CDIN1: variants seen among roughly 807,000 people sequenced by gnomAD.
CDIN1 encodes CDAN1-interacting nuclease 1.
In CDIN1, 33 loss-of-function variants were observed where a neutral mutation model predicts 45.3. The ratio of observed to expected loss-of-function variants is 0.73; its 90% CI spans 0.55 to 0.97. CDIN1 has a LOEUF of 0.97. Among genes scored for constraint, CDIN1 ranks in the 50% least tolerant of loss-of-function variants. CDIN1 has a pLI of 0.00. For synonymous variants in CDIN1, 118 were observed against 124.4 expected (o/e 0.95, Z 0.34); for missense variants, 303 against 339.4 (o/e 0.89, Z 0.84).
At chr15:36,643,770 T>TG (rs2040203567) in intron 1 of CDIN1, among the ~76,000 whole-genome samples, 1 of 152,200 alleles carries the variant, frequency 6.6e-6, no homozygotes, top group Admixed American at 6.5e-5. Context: ...CCAGTATCGG[T>TG]GGGAATGTTC....
chr15:36,794,144 C>T (rs1261866624), intron 10 of CDIN1, among the ~76,000 whole-genome samples: 1 of 149,932 alleles, frequency 6.7e-6, no homozygotes, highest in South Asian at 2.1e-4. Flanking sequence ...CTGCAAGCTC[C>T]GCCTCCCGGG....
rs775819561 is a variant in CDIN1 at position 36,654,099 on chromosome 15, T to G, written c.214T>G (p.Tyr72Asp). The change falls in exon 4 of 11, where the codon TAC (tyrosine) becomes GAC (aspartate). Residue 72 changes from tyrosine (Y) to aspartate (D), a missense_variant and splice_region_variant. Physicochemically the swap from Tyr to Asp is radical, Grantham distance 160. Transcript: ENST00000566621. ...ACCACTTGGCTTTGTCTTGTCTAGGTACCTGAATGGAGTGGTGAAAAATGG... is the reference window on the plus strand; with the variant it reads ...ACCACTTGGCTTTGTCTTGTCTAGGGACCTGAATGGAGTGGTGAAAAATGG... ...SEAIESYYQR[Y>D]LNGVVKNGAA... 1 of 1,576,584 alleles carries G rather than the reference T, an allele frequency of 6.3e-7. No homozygotes were observed. The highest frequency in any genetic ancestry group is 8.6e-7 in the Non-Finnish European group (1 of 1,158,818).
chr15:36,675,061 G>A (rs182771240), intron 5 of CDIN1, among the ~76,000 whole-genome samples: 65 of 152,170 alleles, frequency 4.3e-4, no homozygotes, highest in African/African-American at 1.5e-3. Flanking sequence ...TGAGGCCACT[G>A]AAATACTCCA....
At chr15:36,583,731 C>G (rs1200709558) in intron 1 of CDIN1, among the ~76,000 whole-genome samples, 6 of 152,098 alleles carry the variant, frequency 3.9e-5, no homozygotes. Context: ...AAATAAAGAC[C>G]CAAGGCTGGG....
intron 3 of CDIN1, among the ~76,000 whole-genome samples, chr15:36,651,584 G>T (rs1406195245): frequency 6.6e-6 from 1 of 152,064 alleles, no homozygotes. Flanking sequence ...GGTGCTACAG[G>T]TATAGTTGGG....
At chr15:36,596,101 A>G (rs1455258373) in intron 1 of CDIN1, among the ~76,000 whole-genome samples, 3 of 152,182 alleles carry the variant, frequency 2.0e-5, no homozygotes, top group Non-Finnish European at 4.4e-5. Flanking sequence ...AGGAGAGTTG[A>G]TTGAAAAGGA....
chr15:36,589,791 A>G (rs1000543509), intron 1 of CDIN1, among the ~76,000 whole-genome samples: 1 of 152,194 alleles, frequency 6.6e-6, no homozygotes, highest in Non-Finnish European at 1.5e-5. Flanking sequence ...GGCGTGAGCC[A>G]CCGCTCCCGG....
At position 36,807,448 on chromosome 15, in the gene CDIN1, G is replaced by C. The variant is rs2055267363; in HGVS notation, c.717-876G>C. Among the ~76,000 whole-genome samples the C allele has an allele frequency of 2.0e-5, 3 of 152,140 alleles. No individual in the cohort carries two copies. In the South Asian group the frequency reaches 6.2e-4, roughly 32 times the overall value. On this transcript the variant is annotated intron_variant, in intron 10 of 10. Transcript: ENST00000566621. ...CCCTCGGTAGGAAAAACGTGAAACTGATGTGCAAAACATCTCTCTGTGTGC... is the reference window on the plus strand; with the variant it reads ...CCCTCGGTAGGAAAAACGTGAAACTCATGTGCAAAACATCTCTCTGTGTGC...
At chr15:36,651,785 C>G (rs1296181269) in intron 3 of CDIN1, among the ~76,000 whole-genome samples, 1 of 152,122 alleles carries the variant, frequency 6.6e-6, no homozygotes, top group African/African-American at 2.4e-5. Context: ...AACTGGGAAG[C>G]TTTAACAACC....
chr15:36,732,480 C>T (rs528748738), intron 10 of CDIN1, among the ~76,000 whole-genome samples: 1 of 152,012 alleles, frequency 6.6e-6, no homozygotes, highest in Non-Finnish European at 1.5e-5. Flanking sequence ...TTTTCTTAGG[C>T]ATGACAATGC....
In CDIN1 at chr15:36,712,260, C is replaced by CTTTTTTTT. The variant is rs780494427; in HGVS notation, c.716+2315_716+2322dup. Among the ~76,000 whole-genome samples the CTTTTTTTT allele has an allele frequency of 7.9e-4, 61 of 77,398 alleles. 2 individuals carry two copies. The highest frequency in any genetic ancestry group is 1.3e-3 in the East Asian group (3 of 2,258). 50.8% of individuals were successfully genotyped at this position (77,398 alleles called of 152,430 possible). A position where few individuals can be genotyped will look rare whatever the true frequency, so the allele number is the denominator to read the frequency against. ...TTCAATTACTATTTATAGACTAATG[C>CTTTTTTTT]TTTTTTTTTTTTTTTTTTTTTTTGA... On this transcript the variant is annotated intron_variant, in intron 10 of 10. Coordinates refer to ENST00000566621, the MANE Select transcript of CDIN1 (RefSeq NM_001321759.2).
intron 5 of CDIN1, among the ~76,000 whole-genome samples, chr15:36,686,390 T>A (rs1265133653): frequency 8.2e-6 from 1 of 122,680 alleles, no homozygotes; most frequent in Admixed American, 1.0e-4. Flanking sequence ...AAGGGGAACA[T>A]CACACTCTGG....
In CDIN1 at chr15:36,738,349, C is replaced by A. The variant is rs529373192; in HGVS notation, c.716+28388C>A. Among the ~76,000 whole-genome samples, 15 of 152,228 alleles carry A rather than the reference C, an allele frequency of 9.9e-5. 1 individual carries two copies. In the South Asian group the frequency reaches 3.1e-3, roughly 32 times the overall value. On this transcript the variant is annotated intron_variant, in intron 10 of 10. Transcript: ENST00000566621. ...AATGTTTTTCCCATCTCAGTTTTGACAATTCTGTCTTTCCATTTGCTTAGA... is the reference window on the plus strand; with the variant it reads ...AATGTTTTTCCCATCTCAGTTTTGAAAATTCTGTCTTTCCATTTGCTTAGA...
intron 10 of CDIN1, among the ~76,000 whole-genome samples, chr15:36,777,376 T>A (rs186457275): frequency 6.6e-6 from 1 of 151,572 alleles, no homozygotes; most frequent in African/African-American, 2.4e-5. Context: ...CAAACCCTTT[T>A]AGAGTTACGC....
intron 3 of CDIN1, among the ~76,000 whole-genome samples, chr15:36,648,423 T>G (rs1827525142): frequency 8.8e-6 from 1 of 113,394 alleles, no homozygotes; most frequent in Non-Finnish European, 1.8e-5. Context: ...GTTTCCAATA[T>G]TCTATTTTTT....
At chr15:36,798,505 C>T (rs950479005) in intron 10 of CDIN1, 7 of 152,144 alleles carry the variant, frequency 4.6e-5, no homozygotes, top group African/African-American at 1.4e-4. Context: ...ATCTGACATA[C>T]CAAAGCATTG....
rs2036949770 is a variant in CDIN1 at position 36,579,753 on chromosome 15, A to T, written c.-108A>T. On this transcript the variant is annotated 5_prime_UTR_variant, in exon 1 of 11. Coordinates refer to ENST00000566621, the MANE Select transcript of CDIN1 (RefSeq NM_001321759.2). ...ATTGGGGCAAGCCAAGCAGGCGAGGACCCGGGCCTGTGCCGCTTTGCCTAC... is the reference window on the plus strand; with the variant it reads ...ATTGGGGCAAGCCAAGCAGGCGAGGTCCCGGGCCTGTGCCGCTTTGCCTAC... 2.4e-6 allele frequency: 2 copies of T among 834,752 alleles called. No individual in the cohort carries two copies. The highest frequency in any genetic ancestry group is 2.7e-5 in the East Asian group (1 of 37,016). 51.7% of individuals were successfully genotyped at this position (834,752 alleles called of 1,614,324 possible).
intron 10 of CDIN1, among the ~76,000 whole-genome samples, chr15:36,765,053 C>CTTT (rs2053877870): frequency 1.2e-5 from 1 of 83,064 alleles, no homozygotes; most frequent in Non-Finnish European, 2.6e-5. Flanking sequence ...TTTTATTTTT[C>CTTT]TTTCTTTCTT....
At chr15:36,805,943 T>C (rs1378069118) in intron 10 of CDIN1, among the ~76,000 whole-genome samples, 1 of 152,208 alleles carries the variant, frequency 6.6e-6, no homozygotes. Context: ...GACATTGTGT[T>C]TCCTCATTCT....
Sources: gnomAD v4.1 joint callset for allele counts (sites outside exome capture counted in the v4.1 genomes callset) on GRCh38, gnomAD v4.1.1 for gene constraint, MANE v1.5 for transcripts, NCBI Gene and HGNC (gene_info 2026-07-23, HGNC 2026-07-21) for gene names.